The following RBFOX1 variants were observed in gnomAD, a reference collection of about 807,000 sequenced individuals.
RBFOX1 encodes the protein RNA binding fox-1 homolog 1, also known as RNA binding protein fox-1 homolog 1.
RBFOX1 carries 8 observed loss-of-function variants against 57.7 expected under a neutral mutation model. The ratio of observed to expected loss-of-function variants is 0.14; its 90% CI spans 0.08 to 0.25. The LOEUF (loss-of-function observed/expected upper bound fraction) is 0.25. RBFOX1 is among the 10% of genes least tolerant of loss of function. The pLI, the probability that RBFOX1 is intolerant of heterozygous loss-of-function variation, is 1.00. For synonymous variants in RBFOX1, 326 were observed against 222.4 expected (o/e 1.47, Z -4.15); for missense variants, 611 against 548.5 (o/e 1.11, Z -1.14).
intron 4 of RBFOX1, among the ~76,000 whole-genome samples, chr16:7,251,261 C>G (rs560816836): frequency 6.6e-6 from 1 of 152,020 alleles, no homozygotes; most frequent in Middle Eastern, 3.2e-3. Flanking sequence ...AGTGAAATCA[C>G]GCAGTATTTG....
rs57824134 is a variant in RBFOX1, at chr16:5,904,976, C to CA, written c.351+37659dup. On this transcript the variant is annotated intron_variant, in intron 4 of 19. Coordinates refer to the RBFOX1 transcript ENST00000641259. ...TGGGCGACAGAGCAAGACTCCGTCT[C>CA]AAAAAAAAAAAAAAAAAAGAGAGGT... Among the ~76,000 whole-genome samples the CA allele has an allele frequency of 7.0e-3, 464 of 66,738 alleles. 4 individuals are homozygous for CA. The highest frequency in any genetic ancestry group is 0.045 in the Middle Eastern group (2 of 44). 43.8% of individuals were successfully genotyped at this position (66,738 alleles called of 152,430 possible).
chr16:7,582,478 A>C (rs1293672951), intron 6 of RBFOX1, among the ~76,000 whole-genome samples: 1 of 152,218 alleles, frequency 6.6e-6, no homozygotes, highest in Non-Finnish European at 1.5e-5. Context: ...AGTTTTATGC[A>C]CTAAAAATCT....
At chr16:5,551,785 C>T (rs1336328555) in intron 2 of RBFOX1, among the ~76,000 whole-genome samples, 1 of 148,250 alleles carries the variant, frequency 6.7e-6, no homozygotes, top group East Asian at 2.1e-4. Context: ...AGCTGTCCCT[C>T]CCTCCGCCCC....
At chr16:5,769,544 T>C (rs4260061) in intron 3 of RBFOX1, among the ~76,000 whole-genome samples, 61,179 of 151,158 alleles carry the variant, frequency 0.4, 12,680 homozygotes, top group East Asian at 0.61. Flanking sequence ...TCCCATCTAC[T>C]TGGGAGGCTG....
chr16:5,714,383 A>T (rs1318057996), intron 3 of RBFOX1, among the ~76,000 whole-genome samples: 1 of 152,110 alleles, frequency 6.6e-6, no homozygotes, highest in African/African-American at 2.4e-5. Context: ...TCCCCATACC[A>T]ATGACTGGTC....
Position 7,413,964 on chromosome 16 carries a change from G to A in RBFOX1, c.28-104183G>A, listed in dbSNP as rs9929130. On this transcript the variant is annotated intron_variant, in intron 4 of 15. Transcript: ENST00000550418. ...TTAGTAATTACTTTCCAAACTCCAAGGAGATGGTTCTCAGATGTTGGTGAC... is the reference window on the plus strand; with the variant it reads ...TTAGTAATTACTTTCCAAACTCCAAAGAGATGGTTCTCAGATGTTGGTGAC... 9.4e-3 allele frequency among the ~76,000 whole-genome samples: 1,428 copies of A among 152,294 alleles called. 21 individuals are homozygous for A. The highest frequency in any genetic ancestry group is 0.031 in the African/African-American group (1,301 of 41,542).
intron 1 of RBFOX1, chr16:5,366,619 G>A (rs2065723612): frequency 2.4e-6 from 1 of 408,182 alleles, no homozygotes; most frequent in Admixed American, 3.1e-5. Context: ...CATCAATTAT[G>A]TGAAGAATTG....
chr16:5,380,337 G>T (rs772998972), intron 1 of RBFOX1, among the ~76,000 whole-genome samples: 1 of 152,196 alleles, frequency 6.6e-6, no homozygotes, highest in African/African-American at 2.4e-5. Flanking sequence ...CCCAAGGATA[G>T]ACGTACAGAG....
intron 3 of RBFOX1, among the ~76,000 whole-genome samples, chr16:5,703,801 G>A (rs1361730108): frequency 2.0e-5 from 3 of 152,030 alleles, no homozygotes; most frequent in African/African-American, 7.3e-5. Flanking sequence ...ATATATATGT[G>A]TACATATTTA....
At chr16:6,966,429 G>A (rs2084174792) in intron 3 of RBFOX1, among the ~76,000 whole-genome samples, 1 of 152,142 alleles carries the variant, frequency 6.6e-6, no homozygotes, top group African/African-American at 2.4e-5. Flanking sequence ...GTCTTCCAGA[G>A]GTCCCTGGGC....
intron 4 of RBFOX1, among the ~76,000 whole-genome samples, chr16:7,136,531 C>T (rs1000494045): frequency 2.0e-5 from 3 of 151,294 alleles, no homozygotes; most frequent in Non-Finnish European, 2.9e-5. Flanking sequence ...CTCATCCGCT[C>T]GAGTAGCTGG....
At chr16:6,914,387 C>T (rs1230468301) in intron 3 of RBFOX1, among the ~76,000 whole-genome samples, 1 of 151,994 alleles carries the variant, frequency 6.6e-6, no homozygotes, top group African/African-American at 2.4e-5. Context: ...TTTCATGATT[C>T]AGAATCTACA....
intron 1 of RBFOX1, among the ~76,000 whole-genome samples, chr16:5,463,122 C>G (rs565293499): frequency 6.6e-6 from 1 of 152,266 alleles, no homozygotes; most frequent in South Asian, 2.1e-4. Flanking sequence ...TAGAAGAATA[C>G]ACGTCAACCT....
chr16:5,246,214 C>T (rs1237051237), intron 1 of RBFOX1, among the ~76,000 whole-genome samples: 1 of 152,140 alleles, frequency 6.6e-6, no homozygotes, highest in Non-Finnish European at 1.5e-5. Context: ...TGCACTTCAG[C>T]CAGCCTGGGT....
intron 4 of RBFOX1, among the ~76,000 whole-genome samples, chr16:7,194,817 A>G (rs1258071421): frequency 1.6e-4 from 25 of 151,790 alleles, no homozygotes; most frequent in Non-Finnish European, 4.4e-5. Context: ...GGTTCTCGCC[A>G]CTAGGGAGGC....
At chr16:7,006,399 C>G (rs567477673) in intron 3 of RBFOX1, among the ~76,000 whole-genome samples, 1 of 152,134 alleles carries the variant, frequency 6.6e-6, no homozygotes, top group Admixed American at 6.5e-5. Context: ...GTGATCCACC[C>G]GCTTTGGCCT....
At chr16:7,338,263 G>C (rs1292819872) in intron 4 of RBFOX1, among the ~76,000 whole-genome samples, 1 of 150,000 alleles carries the variant, frequency 6.7e-6, no homozygotes, top group East Asian at 2.0e-4. Flanking sequence ...TTCTCTCTGA[G>C]ATGGTAAGCT....
chr16:7,012,499 C>G (rs1163450612), intron 3 of RBFOX1, among the ~76,000 whole-genome samples: 1 of 152,186 alleles, frequency 6.6e-6, no homozygotes, highest in Non-Finnish European at 1.5e-5. Flanking sequence ...ATGTTAATAA[C>G]TGCCTGGAAC....
chr16:5,718,334 G>T (rs1391493509), intron 3 of RBFOX1, among the ~76,000 whole-genome samples: 5 of 152,218 alleles, frequency 3.3e-5, no homozygotes, highest in African/African-American at 9.6e-5. Flanking sequence ...CTGCCCAGCT[G>T]AGCCCAGCCT....
Sources: allele counts gnomAD v4.1 joint callset (sites outside exome capture counted in the v4.1 genomes callset), GRCh38; gene constraint gnomAD v4.1.1; transcripts MANE v1.5; gene names NCBI Gene and HGNC (gene_info 2026-07-23, HGNC 2026-07-21).